The following PCDHGA12 variants were observed in gnomAD, a reference collection of about 807,000 sequenced individuals.
PCDHGA12 encodes protocadherin gamma-A12.
In PCDHGA12, 43 loss-of-function variants were observed where a neutral mutation model predicts 61.1. That is an observed-to-expected ratio of 0.70 (90% CI 0.55 to 0.91). The LOEUF is 0.91. Among genes scored for constraint, PCDHGA12 ranks in the 40% least tolerant of loss-of-function variants. PCDHGA12 has a pLI of 0.00. For missense variants in PCDHGA12, 1,236 were observed against 1,227.7 expected (o/e 1.01, Z -0.10); for synonymous variants, 520 against 542.9 (o/e 0.96, Z 0.59).
In PCDHGA12 at chr5:141,485,910, G is replaced by C. The variant is rs142273728; in HGVS notation, c.2425-8897G>C. On this transcript the variant is annotated intron_variant, in intron 1 of 3. Transcript: ENST00000252085. The surrounding 1 kb of genome is among the most constrained non-coding windows in gnomAD (Gnocchi z 5.7). ...AACGCCCCAGCCTTCCAGCAATCCAGCTACAGGATTAGTGTGTTGGAGAGC... is the reference window on the plus strand; with the variant it reads ...AACGCCCCAGCCTTCCAGCAATCCACCTACAGGATTAGTGTGTTGGAGAGC... The C allele has an allele frequency of 1.2e-6, 2 of 1,614,078 alleles. No homozygotes were observed. Among genetic ancestry groups the C allele is most frequent in the African/African-American group, 2.7e-5 (2 of 74,932 alleles).
intron 1 of PCDHGA12, among the ~76,000 whole-genome samples, chr5:141,450,777 G>A (rs907160074): frequency 1.3e-5 from 2 of 150,004 alleles, no homozygotes; most frequent in East Asian, 2.0e-4. Context: ...ATGAGCCACC[G>A]TGCCCGGACC....
At chr5:141,436,071 A>G (rs1419598304) in intron 1 of PCDHGA12, among the ~76,000 whole-genome samples, 1 of 152,222 alleles carries the variant, frequency 6.6e-6, no homozygotes. Context: ...TAATAAGTAC[A>G]GTGTTCTATA....
intron 2 of PCDHGA12, among the ~76,000 whole-genome samples, chr5:141,504,579 G>T (rs994771989): frequency 2.0e-5 from 3 of 149,174 alleles, no homozygotes; most frequent in Non-Finnish European, 4.4e-5. Context: ...AACACCATCT[G>T]CCCAGGATTC....
intron 1 of PCDHGA12, 187 bp downstream of exon 1, chr5:141,433,370 T>TCTAA (rs1466476027): frequency 1.8e-6 from 1 of 554,768 alleles, no homozygotes; most frequent in African/African-American, 1.9e-5. Context: ...TATCTATCTA[T>TCTAA]CTATCTATCT....
At chr5:141,439,737 A>T (rs947754447) in intron 1 of PCDHGA12, 4 of 152,382 alleles carry the variant, frequency 2.6e-5, no homozygotes, top group Non-Finnish European at 5.9e-5. Flanking sequence ...CAGGAACGGA[A>T]CGGATTTACA....
Position 141,487,193 on chromosome 5 carries a change from C to T in PCDHGA12, c.2425-7614C>T. 6.2e-7 allele frequency: 1 copy of T among 1,613,784 alleles called. No individual in the cohort carries two copies. Among genetic ancestry groups the T allele is most frequent in the Non-Finnish European group, 8.5e-7 (1 of 1,179,724 alleles). On this transcript the variant is annotated intron_variant, in intron 1 of 3. Transcript: ENST00000252085. The surrounding 1 kb of genome is among the most constrained non-coding windows in gnomAD (Gnocchi z 5.0). ...AGAGGAAGACACTCATCCAGTTGTC[C>T]CAGATCTTCGAGAATCTTCAGCTCC...
chr5:141,470,323 A>C (rs1029928511), intron 1 of PCDHGA12, among the ~76,000 whole-genome samples: 1 of 152,188 alleles, frequency 6.6e-6, no homozygotes, highest in African/African-American at 2.4e-5. Flanking sequence ...AAATGATCCC[A>C]TAATTTGACC....
At chr5:141,478,567 C>T (rs371741874) in intron 1 of PCDHGA12, 20 of 1,593,698 alleles carry the variant, frequency 1.3e-5, no homozygotes, top group Non-Finnish European at 1.7e-5. Flanking sequence ...GCAAGTCATG[C>T]TTGACCCTGT....
intron 1 of PCDHGA12, among the ~76,000 whole-genome samples, chr5:141,451,391 T>C (rs928399948): frequency 6.6e-6 from 1 of 152,162 alleles, no homozygotes; most frequent in Non-Finnish European, 1.5e-5. Context: ...ACATAGTTAA[T>C]GGCAAAATTA....
rs1441582051 is a variant in PCDHGA12, at chr5:141,487,416, G to A, written c.2425-7391G>A. 1 of 1,614,088 alleles carries A rather than the reference G, an allele frequency of 6.2e-7. No individual in the cohort carries two copies. Among genetic ancestry groups the A allele is most frequent in the Admixed American group, 1.7e-5 (1 of 60,024 alleles). On this transcript the variant is annotated intron_variant, in intron 1 of 3. Coordinates refer to ENST00000252085, the MANE Select transcript of PCDHGA12 (RefSeq NM_003735.3). The surrounding 1 kb of genome is among the most constrained non-coding windows in gnomAD (Gnocchi z 5.0). ...AGGGAGGGGCTTCCCCCTTCCAATGGGATCCTCCGAATCCAGCTAGGGTCA... is the reference window on the plus strand; with the variant it reads ...AGGGAGGGGCTTCCCCCTTCCAATGAGATCCTCCGAATCCAGCTAGGGTCA...
At chr5:141,478,011 G>T (rs1216659966) in intron 1 of PCDHGA12, 1 of 1,614,088 alleles carries the variant, frequency 6.2e-7, no homozygotes, top group Non-Finnish European at 8.5e-7. Flanking sequence ...AGTACTGCCC[G>T]TCCAGTCCAA....
Position 141,432,856 on chromosome 5 carries a change from G to A in PCDHGA12, c.2097G>A (p.Ala699=), listed in dbSNP as rs773243805. 8.7e-6 allele frequency: 14 copies of A among 1,614,024 alleles called. No homozygotes were observed. The highest frequency in any genetic ancestry group is 1.3e-5 in the African/African-American group (1 of 74,908). ...LTLYLVVAVA[A]VSCVFLAFVI... ...TGTACCTGGTGGTAGCGGTGGCCGC[G>A]GTCTCCTGCGTCTTCCTGGCCTTCG... The change falls in exon 1 of 4, where the codon GCG becomes GCA. Residue 699 remains alanine (A), a synonymous_variant. Coordinates refer to ENST00000252085, the MANE Select transcript of PCDHGA12 (RefSeq NM_003735.3). The surrounding 1 kb of genome is among the most constrained non-coding windows in gnomAD (Gnocchi z 6.0).
In PCDHGA12 at chr5:141,490,889, T is replaced by G. The variant is rs568838001; in HGVS notation, c.2425-3918T>G. The G allele has an allele frequency of 6.2e-7, 1 of 1,613,406 alleles. No homozygotes were observed. Among genetic ancestry groups the G allele is most frequent in the Non-Finnish European group, 8.5e-7 (1 of 1,179,428 alleles). ...CCCCCATTGCATGCCAACACATCTCTGCATGTGTTTGTCCTAGACGAGAAT... is the reference window on the plus strand; with the variant it reads ...CCCCCATTGCATGCCAACACATCTCGGCATGTGTTTGTCCTAGACGAGAAT... On this transcript the variant is annotated intron_variant, in intron 1 of 3. Coordinates refer to ENST00000252085, the MANE Select transcript of PCDHGA12 (RefSeq NM_003735.3). This position sits in a 1 kb window ranked among gnomAD's most constrained non-coding sequence, Gnocchi z 5.4.
intron 1 of PCDHGA12, among the ~76,000 whole-genome samples, chr5:141,434,029 A>C (rs970204484): frequency 2.6e-5 from 4 of 152,126 alleles, no homozygotes; most frequent in Admixed American, 2.6e-4. Context: ...TTCTGGAAGC[A>C]TGGTTTTCTA....
Position 141,433,099 on chromosome 5 carries a change from C to T in PCDHGA12, c.2340C>T (p.Val780=), listed in dbSNP as rs1003269683. Residue 780 remains valine, a synonymous_variant, in exon 1 of 4, where the codon GTC becomes GTT. Transcript: ENST00000252085. The stretch of plus-strand genomic sequence containing the variant: ...AGCCCAACTATGCAGACATGCTCGT[C>T]AGCCAGGAGAGCTTTGAAAAAAGCG... ...FPQPNYADML[V]SQESFEKSEP... 1 of 1,614,190 alleles carries T rather than the reference C, an allele frequency of 6.2e-7. No homozygotes were observed. The highest frequency in any genetic ancestry group is 8.5e-7 in the Non-Finnish European group (1 of 1,180,028).
chr5:141,442,227 T>G (rs953690152), intron 1 of PCDHGA12: 16 of 153,240 alleles, frequency 1.0e-4, no homozygotes, highest in African/African-American at 3.6e-4. Context: ...TTAATTTCCT[T>G]TTTATTCTTC....
Position 141,476,745 on chromosome 5 carries a change from T to C in PCDHGA12, c.2425-18062T>C, listed in dbSNP as rs1372622323. 6.2e-7 allele frequency: 1 copy of C among 1,613,958 alleles called. No individual in the cohort carries two copies. On this transcript the variant is annotated intron_variant, in intron 1 of 3. Coordinates refer to ENST00000252085, the MANE Select transcript of PCDHGA12 (RefSeq NM_003735.3). This position sits in a 1 kb window ranked among gnomAD's most constrained non-coding sequence, Gnocchi z 7.6. The stretch of plus-strand genomic sequence containing the variant: ...CTGGACCGAGAACGGGAGCCTAGTC[T>C]CCAGTTAGTGCTGACGGCGTTGGAC...
At chr5:141,478,629 T>A in intron 1 of PCDHGA12, 1 of 1,553,688 alleles carries the variant, frequency 6.4e-7, no homozygotes, top group Non-Finnish European at 8.7e-7. Context: ...AGCTGTTTTT[T>A]TAGTGATGAA....
intron 1 of PCDHGA12, among the ~76,000 whole-genome samples, chr5:141,481,693 C>T (rs755007426): frequency 1.8e-4 from 27 of 152,020 alleles, no homozygotes; most frequent in Admixed American, 7.9e-4. Context: ...GTGGCTCACG[C>T]CTGTAATCCC....
Sources: gnomAD v4.1 joint callset for allele counts (sites outside exome capture counted in the v4.1 genomes callset) on GRCh38, gnomAD v4.1.1 for gene constraint, Gnocchi (gnomAD v3.1) non-coding constraint, MANE v1.5 for transcripts, NCBI Gene and HGNC (gene_info 2026-07-23, HGNC 2026-07-21) for gene names.